The following SGMS1 variants were observed in gnomAD, a reference collection of about 807,000 sequenced individuals.
The protein encoded by SGMS1 is phosphatidylcholine:ceramide cholinephosphotransferase 1.
In SGMS1, 13 loss-of-function variants were observed where a neutral mutation model predicts 46.2. The ratio of observed to expected loss-of-function variants is 0.28; its 90% CI spans 0.18 to 0.45. SGMS1 has a LOEUF of 0.45. Ranked by LOEUF, SGMS1 falls within the 20% of genes least tolerant of loss-of-function variation. The pLI is 1.00. For synonymous variants in SGMS1, 203 were observed against 187.8 expected, an observed-to-expected ratio of 1.08 and a Z score of -0.66; for missense variants, 324 against 519.9, an observed-to-expected ratio of 0.62 and a Z score of 3.66.
At chr10:50,485,787 C>A (rs975681028) in intron 3 of SGMS1, among the ~76,000 whole-genome samples, 1 of 152,076 alleles carries the variant, frequency 6.6e-6, no homozygotes. Flanking sequence ...GTAGTCCCAA[C>A]TACTTGGTAG....
rs1333616390 is a variant in SGMS1, at chr10:50,308,179, A to G, written c.896-31T>C. 3.8e-6 allele frequency: 6 copies of G among 1,599,748 alleles called. No homozygotes were observed. The East Asian group carries it at 1.3e-4, about 36-fold the overall frequency. ...AGGGGGAGAGATTTGCAATAGTCCC[A>G]TTATTCAAATGACATTAAGGGCACC... On this transcript the variant is annotated intron_variant, in intron 9 of 10. Coordinates refer to ENST00000361781, the MANE Select transcript of SGMS1 (RefSeq NM_147156.4).
chr10:50,621,096 A>T (rs1838845722), intron 1 of SGMS1, among the ~76,000 whole-genome samples: 1 of 152,104 alleles, frequency 6.6e-6, no homozygotes. Context: ...GAATCCCCTG[A>T]GCCTGGAGAG....
At chr10:50,621,009 C>A (rs895110134) in intron 1 of SGMS1, among the ~76,000 whole-genome samples, 40 of 152,042 alleles carry the variant, frequency 2.6e-4, no homozygotes, top group Admixed American at 1.2e-3. Context: ...CATAACAAAA[C>A]CCTATCTCTA....
intron 6 of SGMS1, among the ~76,000 whole-genome samples, chr10:50,382,403 C>A (rs560143173): frequency 1.3e-5 from 2 of 152,152 alleles, no homozygotes; most frequent in Non-Finnish European, 2.9e-5. Flanking sequence ...GGTCTACATA[C>A]AAAACTGATA....
intron 3 of SGMS1, among the ~76,000 whole-genome samples, chr10:50,496,669 A>G (rs144086785): frequency 1.9e-4 from 29 of 152,300 alleles, no homozygotes; most frequent in African/African-American, 7.0e-4. Flanking sequence ...GCCTTCCTAT[A>G]TCACATTCCA....
chr10:50,533,863 T>C (rs543688588), intron 2 of SGMS1, among the ~76,000 whole-genome samples: 2 of 152,146 alleles, frequency 1.3e-5, no homozygotes, highest in South Asian at 4.1e-4. Flanking sequence ...ATGTTACATA[T>C]AATATGACAT....
intron 2 of SGMS1, among the ~76,000 whole-genome samples, chr10:50,525,110 TAAG>T (rs960306409): frequency 2.8e-4 from 42 of 152,298 alleles, no homozygotes; most frequent in African/African-American, 9.4e-4. Context: ...AATCAAAGAT[TAAG>T]AAGAGCTCTC....
intron 3 of SGMS1, among the ~76,000 whole-genome samples, chr10:50,499,972 G>T (rs903492251): frequency 2.0e-5 from 3 of 152,188 alleles, no homozygotes; most frequent in African/African-American, 4.8e-5. Context: ...TTCGAGACCA[G>T]CCTGACCAAC....
At chr10:50,474,970 T>C (rs1226109836) in intron 3 of SGMS1, among the ~76,000 whole-genome samples, 1 of 152,234 alleles carries the variant, frequency 6.6e-6, no homozygotes, top group Non-Finnish European at 1.5e-5. Flanking sequence ...TCTCAGAGTC[T>C]GAAACTGTGA....
chr10:50,557,887 C>T (rs566644027), intron 2 of SGMS1, among the ~76,000 whole-genome samples: 5 of 152,250 alleles, frequency 3.3e-5, no homozygotes, highest in African/African-American at 1.2e-4. Flanking sequence ...TGTAGATGGA[C>T]TGACAGGGAA....
chr10:50,332,611 CTTTTTTTTT>C (rs150975310), intron 7 of SGMS1, among the ~76,000 whole-genome samples: 5 of 72,710 alleles, frequency 6.9e-5, no homozygotes, highest in African/African-American at 2.3e-4. Context: ...TTTTTTAAGT[CTTTTTTTTT>C]TTTTTTTTTT....
chr10:50,581,985 T>C (rs1225106857), intron 2 of SGMS1, among the ~76,000 whole-genome samples: 1 of 152,254 alleles, frequency 6.6e-6, no homozygotes. Context: ...AGTGGCCGTC[T>C]GCAAGGAAAC....
At chr10:50,334,652 T>C (rs1847686349) in intron 7 of SGMS1, 1 of 152,212 alleles carries the variant, frequency 6.6e-6, no homozygotes, top group Non-Finnish European at 1.5e-5. Flanking sequence ...TGTGCAACAC[T>C]TAATAAATTT....
chr10:50,454,737 G>A (rs193072253), intron 5 of SGMS1, among the ~76,000 whole-genome samples: 197 of 152,240 alleles, frequency 1.3e-3, no homozygotes, highest in Admixed American at 2.9e-3. Flanking sequence ...ACTGAAATGT[G>A]GCACTTGATA....
chr10:50,518,856 T>C (rs541538786), intron 3 of SGMS1, among the ~76,000 whole-genome samples: 9 of 152,310 alleles, frequency 5.9e-5, no homozygotes, highest in African/African-American at 2.2e-4. Context: ...TGCACTCTGT[T>C]CTCCAAAGGA....
chr10:50,389,678 T>C (rs1485004432), intron 6 of SGMS1, among the ~76,000 whole-genome samples: 1 of 152,196 alleles, frequency 6.6e-6, no homozygotes, highest in Non-Finnish European at 1.5e-5. Flanking sequence ...CTCTACCAAT[T>C]TCCATTTATG....
chr10:50,330,680 T>C (rs1469254793), intron 7 of SGMS1, among the ~76,000 whole-genome samples: 1 of 152,100 alleles, frequency 6.6e-6, no homozygotes, highest in Admixed American at 6.5e-5. Flanking sequence ...TAGAGATAAA[T>C]AGGACTTGAC....
rs529064457 is a variant in SGMS1, at chr10:50,421,601, G to A, written c.-232+11875C>T. 7.2e-5 allele frequency among the ~76,000 whole-genome samples: 11 copies of A among 152,256 alleles called. No individual in the cohort carries two copies. In the East Asian group the frequency reaches 2.1e-3, roughly 29 times the overall value. ...GTCACAACAGGACCTCCTGGAACTA[G>A]CACCTGCTTGCTTTAAACCTACCAA... On this transcript the variant is annotated intron_variant, in intron 6 of 10. Coordinates refer to ENST00000361781, the MANE Select transcript of SGMS1 (RefSeq NM_147156.4).
chr10:50,563,742 CAAAAA>C (rs60882939), intron 2 of SGMS1, among the ~76,000 whole-genome samples: 23 of 65,736 alleles, frequency 3.5e-4, no homozygotes, highest in African/African-American at 1.2e-3. Context: ...GACTCCGTCT[CAAAAA>C]AAAAAAAAAA....
Sources: allele counts gnomAD v4.1 joint callset (sites outside exome capture counted in the v4.1 genomes callset), GRCh38; gene constraint gnomAD v4.1.1; transcripts MANE v1.5; gene names NCBI Gene and HGNC (gene_info 2026-07-23, HGNC 2026-07-21).